RASGRP3: variants seen among roughly 807,000 people sequenced by gnomAD.
The protein encoded by RASGRP3 is RAS guanyl releasing protein 3, also known as ras guanyl-releasing protein 3.
In RASGRP3, 54 loss-of-function variants were observed where a neutral mutation model predicts 82.7. The ratio of observed to expected loss-of-function variants is 0.65; its 90% CI spans 0.52 to 0.82. RASGRP3 has a LOEUF of 0.82. Among genes scored for constraint, RASGRP3 ranks in the 40% least tolerant of loss-of-function variants. The pLI is 0.00. For missense variants in RASGRP3, 861 were observed against 828.9 expected (o/e 1.04, Z -0.48); for synonymous variants, 309 against 300.5 (o/e 1.03, Z -0.29).
intron 2 of RASGRP3, among the ~76,000 whole-genome samples, chr2:33,460,912 G>A (rs2150898560): frequency 6.6e-6 from 1 of 152,260 alleles, no homozygotes; most frequent in East Asian, 1.9e-4. Context: ...TGAGTATTCT[G>A]GCCATTAGTT....
rs890722529 is a variant in RASGRP3, at chr2:33,460,442, AT to A, written c.-261+12501del. On this transcript the variant is annotated intron_variant, in intron 2 of 18. Coordinates refer to the RASGRP3 transcript ENST00000402538. ...ATGAGAATGGATAGGAAAGAGGGTT[AT>A]TACATTTTTCCTTATGTATATGTCT... Among the ~76,000 whole-genome samples, 200 of 152,082 alleles carry A rather than the reference AT, an allele frequency of 1.3e-3. 1 individual carries two copies. The highest frequency in any genetic ancestry group is 4.6e-3 in the African/African-American group (191 of 41,466).
intron 1 of RASGRP3, among the ~76,000 whole-genome samples, chr2:33,442,416 T>C (rs908103205): frequency 1.4e-4 from 21 of 152,202 alleles, no homozygotes; most frequent in African/African-American, 4.6e-4. Flanking sequence ...TTCTACTTTG[T>C]CTCCAGGATA....
chr2:33,536,802 G>C (rs1673657295), intron 11 of RASGRP3, among the ~76,000 whole-genome samples: 1 of 152,178 alleles, frequency 6.6e-6, no homozygotes, highest in Non-Finnish European at 1.5e-5. Flanking sequence ...CAGAGGTGTG[G>C]CCACATTCAA....
chr2:33,446,966 AC>A (rs1665534050), intron 1 of RASGRP3, among the ~76,000 whole-genome samples: 1 of 151,658 alleles, frequency 6.6e-6, no homozygotes. Context: ...ACGCGGTGAA[AC>A]CCCGTCTCTG....
At chr2:33,541,328 T>C (rs1367413233) in intron 12 of RASGRP3, among the ~76,000 whole-genome samples, 1 of 147,168 alleles carries the variant, frequency 6.8e-6, no homozygotes, top group African/African-American at 2.4e-5. Flanking sequence ...ATGACTTTAT[T>C]CTCTATCTCT....
At chr2:33,553,444 T>TAAC (rs1675572402) in intron 14 of RASGRP3, among the ~76,000 whole-genome samples, 3 of 152,180 alleles carry the variant, frequency 2.0e-5, no homozygotes, top group Non-Finnish European at 4.4e-5. Flanking sequence ...CAAGAAATGT[T>TAAC]AACTATCATC....
intron 1 of RASGRP3, among the ~76,000 whole-genome samples, chr2:33,509,414 C>G (rs914317497): frequency 6.6e-6 from 1 of 151,834 alleles, no homozygotes; most frequent in African/African-American, 2.4e-5. Flanking sequence ...AAAAAAAATC[C>G]AGATATGATC....
At chr2:33,497,954 T>C (rs954000962) in intron 1 of RASGRP3, among the ~76,000 whole-genome samples, 1 of 149,410 alleles carries the variant, frequency 6.7e-6, no homozygotes, top group African/African-American at 2.5e-5. Flanking sequence ...ATTTCTGGCC[T>C]ACACTGCCTT....
At chr2:33,490,996 C>T (rs1178595305) in intron 1 of RASGRP3, among the ~76,000 whole-genome samples, 1 of 152,172 alleles carries the variant, frequency 6.6e-6, no homozygotes, top group Non-Finnish European at 1.5e-5. Context: ...CTTTTGTTGT[C>T]AGAGTTACAC....
intron 17 of RASGRP3, 66 bp downstream of exon 17, chr2:33,559,096 T>C (rs777498393): frequency 7.5e-5 from 100 of 1,328,152 alleles, no homozygotes; most frequent in Non-Finnish European, 9.8e-5. Context: ...AGATGAGCGT[T>C]ACAGAGGGTC....
rs1322499215 is a variant in RASGRP3, at chr2:33,558,948, A to G, written c.1982A>G (p.His661Arg). Reference sequence around the variant, plus strand: ...TGGGAAAATGAGAAGCCCAGGGTGCATGCTGGTGTGGATGTTGTAGACCGG... The same window carrying G: ...TGGGAAAATGAGAAGCCCAGGGTGCGTGCTGGTGTGGATGTTGTAGACCGG... The part of the protein sequence containing the change: ...AKWENEKPRV[H>R]AGVDVVDRGT... Residue 661 changes from histidine to arginine, a missense_variant, in exon 17 of 18, where the codon CAT (histidine) becomes CGT (arginine). Coordinates refer to ENST00000403687, the MANE Select transcript of RASGRP3 (RefSeq NM_001139488.2). 9 of 1,613,926 alleles carry G rather than the reference A, an allele frequency of 5.6e-6. No homozygotes were observed. The highest frequency in any genetic ancestry group is 2.2e-5 in the East Asian group (1 of 44,896).
intron 2 of RASGRP3, among the ~76,000 whole-genome samples, 180 bp downstream of exon 2, chr2:33,512,022 G>A (rs561731709): frequency 1.2e-3 from 177 of 152,282 alleles, no homozygotes; most frequent in African/African-American, 4.0e-3. Flanking sequence ...TTGCTTTTGT[G>A]ATAAAGAAGC....
At chr2:33,493,548 C>G (rs1669043567) in intron 1 of RASGRP3, among the ~76,000 whole-genome samples, 1 of 152,000 alleles carries the variant, frequency 6.6e-6, no homozygotes, top group African/African-American at 2.4e-5. Flanking sequence ...GTGTCAGGAC[C>G]CAAGTGTTGG....
intron 2 of RASGRP3, among the ~76,000 whole-genome samples, chr2:33,455,570 C>T (rs1665993634): frequency 1.3e-5 from 2 of 152,218 alleles, no homozygotes; most frequent in African/African-American, 2.4e-5. Context: ...AGTCCCAACA[C>T]GTGTAAAATC....
chr2:33,534,453 G>A lies in RASGRP3; in HGVS notation c.1161+53G>A, dbSNP rs190561643. Reference sequence around the variant, plus strand: ...AGTACCAATCACTATTTTTTGTCATGTACAGTAATTGGCTATTACAATGCT... The same window carrying A: ...AGTACCAATCACTATTTTTTGTCATATACAGTAATTGGCTATTACAATGCT... On this transcript the variant is annotated intron_variant, in intron 11 of 17. Coordinates refer to ENST00000403687, the MANE Select transcript of RASGRP3 (RefSeq NM_001139488.2). 6 of 1,231,586 alleles carry A rather than the reference G, an allele frequency of 4.9e-6. No homozygotes were observed. The East Asian group carries it at 1.5e-4, about 30-fold the overall frequency. 76.3% of individuals were successfully genotyped at this position (1,231,586 alleles called of 1,614,324 possible). A position where few individuals can be genotyped will look rare whatever the true frequency, so the allele number is the denominator to read the frequency against.
rs1447722683 is a variant in RASGRP3, at chr2:33,558,223, A to G, written c.1592A>G (p.Asn531Ser). 9.3e-6 allele frequency: 15 copies of G among 1,611,358 alleles called. No homozygotes were observed. The highest frequency in any genetic ancestry group is 6.6e-5 in the South Asian group (6 of 90,306). ...QGYKCKDCGA[N>S]CHKQCKDLLV... ...TGGAATTTTTCAGACTGTGGAGCCA[A>G]TTGTCACAAACAGTGCAAAGACCTC... Residue 531 changes from asparagine (N) to serine (S), a missense_variant, in exon 16 of 18, where the codon AAT becomes AGT. Transcript: ENST00000403687.
chr2:33,450,933 G>T (rs1239525971), intron 2 of RASGRP3, among the ~76,000 whole-genome samples: 1 of 138,524 alleles, frequency 7.2e-6, no homozygotes, highest in Non-Finnish European at 1.5e-5. Flanking sequence ...CACCTCCCAG[G>T]TTCACAGCAT....
At chr2:33,438,562 CAAAA>C (rs57229316) in intron 1 of RASGRP3, among the ~76,000 whole-genome samples, 6 of 128,470 alleles carry the variant, frequency 4.7e-5, no homozygotes, top group Non-Finnish European at 6.6e-5. Flanking sequence ...ACTCCATCGC[CAAAA>C]AAAAAAAAAA....
chr2:33,526,803 C>T (rs914897997), intron 9 of RASGRP3, among the ~76,000 whole-genome samples: 5 of 152,158 alleles, frequency 3.3e-5, no homozygotes, highest in African/African-American at 1.2e-4. Context: ...TTTTAATATT[C>T]GACATGCTTG....
Sources: gnomAD v4.1 joint callset for allele counts (sites outside exome capture counted in the v4.1 genomes callset) on GRCh38, gnomAD v4.1.1 for gene constraint, MANE v1.5 for transcripts, NCBI Gene and HGNC (gene_info 2026-07-23, HGNC 2026-07-21) for gene names.